The following ATP12A variants were observed in gnomAD, a reference collection of about 807,000 sequenced individuals.
ATP12A encodes the protein ATPase H+/K+ transporting non-gastric alpha2 subunit.
ATP12A carries 81 observed loss-of-function variants against 111.2 expected under a neutral mutation model. That is an observed-to-expected ratio of 0.73 (90% CI 0.61 to 0.88). ATP12A has a LOEUF of 0.88. Among genes scored for constraint, ATP12A ranks in the 40% least tolerant of loss-of-function variants. ATP12A has a pLI of 0.00. For synonymous variants in ATP12A, 498 were observed against 499.8 expected (o/e 1.00, Z 0.05); for missense variants, 1,196 against 1,313.1 (o/e 0.91, Z 1.38).
Position 24,707,495 on chromosome 13 carries a change from C to A in ATP12A, c.2493+62C>A. 3 of 1,601,188 alleles carry A rather than the reference C, an allele frequency of 1.9e-6. No individual in the cohort carries two copies. The South Asian group carries it at 3.4e-5, about 18-fold the overall frequency. The stretch of plus-strand genomic sequence containing the variant: ...CCCCAGGGGAGGTCAAGTTCAGGGT[C>A]GCTACCTTCAAGGGCCGGGGATGGA... On this transcript the variant is annotated intron_variant, in intron 17 of 22. Transcript: ENST00000381946.
rs779346879 is a variant in ATP12A at position 24,701,995 on chromosome 13, A to C, written c.1942A>C (p.Ile648Leu). 1 of 1,614,186 alleles carries C rather than the reference A, an allele frequency of 6.2e-7. No individual in the cohort carries two copies. Among genetic ancestry groups the C allele is most frequent in the South Asian group, 1.1e-5 (1 of 91,082 alleles). The change falls in exon 14 of 23, where the codon ATC (isoleucine) becomes CTC (leucine). Residue 648 changes from isoleucine (I) to leucine (L), a missense_variant. Transcript: ENST00000381946. ...CAAAGCTATTGCCAAGAGTGTGGGGATCATTTCAGCCAACAGTGAAACAGT... is the reference window on the plus strand; with the variant it reads ...CAAAGCTATTGCCAAGAGTGTGGGGCTCATTTCAGCCAACAGTGAAACAGT... ...TAKAIAKSVG[I>L]ISANSETVED... is the part of the protein sequence containing the mutation.
rs1435577293 is a variant in ATP12A, at chr13:24,700,796, A to T, written c.1755A>T (p.Ser585=). 3 of 1,613,952 alleles carry T rather than the reference A, an allele frequency of 1.9e-6. No homozygotes were observed. In the African/African-American group the frequency reaches 4.0e-5, roughly 22 times the overall value. The change falls in exon 13 of 23, where the codon TCA becomes TCT. Residue 585 remains serine, a synonymous_variant. Coordinates refer to ENST00000381946, the MANE Select transcript of ATP12A (RefSeq NM_001676.7). ...LPADEFPETY[S]FDIDAMNFPT... ...CAGACGAGTTTCCAGAAACCTACTC[A>T]TTTGACATAGACGCTATGAACTTTC... is the stretch of plus-strand genomic sequence containing the variant.
intron 14 of ATP12A, among the ~76,000 whole-genome samples, chr13:24,705,716 C>T (rs1419040394): frequency 6.6e-6 from 1 of 152,180 alleles, no homozygotes; most frequent in African/African-American, 2.4e-5. Context: ...GTCACCCAGG[C>T]TTGAGTGTAG....
chr13:24,708,918 A>AAAGAAAGG (rs1215274789), intron 17 of ATP12A, among the ~76,000 whole-genome samples: 1 of 127,908 alleles, frequency 7.8e-6, no homozygotes, highest in Non-Finnish European at 1.6e-5. Context: ...AGAAAGAAAG[A>AAAGAAAGG]AAGAAAGAAA....
chr13:24,701,824 C>A, intron 13 of ATP12A, 111 bp from the exon 14 acceptor site: 2 of 1,418,144 alleles, frequency 1.4e-6, no homozygotes, highest in South Asian at 1.3e-5. Context: ...CCACTGTAAT[C>A]ACCAACCACG....
Position 24,707,142 on chromosome 13 carries a change from G to A in ATP12A, c.2289G>A (p.Met763Ile), listed in dbSNP as rs1327399668. The A allele has an allele frequency of 1.2e-6, 2 of 1,614,016 alleles. No homozygotes were observed. The highest frequency in any genetic ancestry group is 1.7e-6 in the Non-Finnish European group (2 of 1,180,018). ...GSDAAKNAAD[M>I]VLLDDNFASI... The stretch of plus-strand genomic sequence containing the variant: ...ATGCAGCCAAAAATGCAGCCGACAT[G>A]GTCTTGCTGGACGACAACTTCGCAT... The change falls in exon 16 of 23, where the codon ATG becomes ATA. Residue 763 changes from methionine (M) to isoleucine (I), a missense_variant. Transcript: ENST00000381946.
At chr13:24,697,758 G>T (rs560883233) in intron 11 of ATP12A, among the ~76,000 whole-genome samples, 19 of 151,788 alleles carry the variant, frequency 1.3e-4, no homozygotes, top group African/African-American at 3.9e-4. Context: ...TTGGTTGGTT[G>T]GTTTTCTCAA....
chr13:24,694,254 A>G (rs1346888455), intron 10 of ATP12A, among the ~76,000 whole-genome samples, 190 bp from the exon 11 acceptor site: 5 of 152,110 alleles, frequency 3.3e-5, no homozygotes, highest in Non-Finnish European at 7.3e-5. Flanking sequence ...TTCTCCAAAC[A>G]TCCCTAATGC....
In ATP12A at chr13:24,705,986, T is replaced by C. The variant is rs116024082; in HGVS notation, c.2019-327T>C. Among the ~76,000 whole-genome samples the C allele has an allele frequency of 4.0e-3, 607 of 152,300 alleles. 1 individual carries two copies. Among genetic ancestry groups the C allele is most frequent in the African/African-American group, 0.013 (528 of 41,546 alleles). On this transcript the variant is annotated intron_variant, in intron 14 of 22. Transcript: ENST00000381946. Reference sequence around the variant, plus strand: ...CTGCGTTTGGCCATGAATGGGCAGTTTTTTAACTTCCTTTTACTTCTGAAG... The same window carrying C: ...CTGCGTTTGGCCATGAATGGGCAGTCTTTTAACTTCCTTTTACTTCTGAAG...
Position 24,680,598 on chromosome 13 carries a change from G to T in ATP12A, c.-146G>T. The T allele has an allele frequency of 1.1e-6, 1 of 944,264 alleles. No homozygotes were observed. The highest frequency in any genetic ancestry group is 1.5e-6 in the Non-Finnish European group (1 of 660,466). 58.5% of individuals were successfully genotyped at this position (944,264 alleles called of 1,614,324 possible). A position where few individuals can be genotyped will look rare whatever the true frequency, so the allele number is the denominator to read the frequency against. ...CGATCGGCCGCGGAGGTGCGTGCAG[G>T]GCCCGCGCCGCCGCCGGTATCTCCA... On this transcript the variant is annotated 5_prime_UTR_variant, in exon 1 of 23. Transcript: ENST00000381946.
chr13:24,706,724 T>G (rs921487262), intron 15 of ATP12A, among the ~76,000 whole-genome samples: 2 of 152,240 alleles, frequency 1.3e-5, no homozygotes, highest in African/African-American at 4.8e-5. Flanking sequence ...CATTTGCCAC[T>G]GTGGTAGTTG....
intron 2 of ATP12A, among the ~76,000 whole-genome samples, chr13:24,682,090 G>A (rs1451739541): frequency 1.4e-4 from 16 of 111,460 alleles, no homozygotes; most frequent in Admixed American, 1.2e-3. Context: ...TATGTGTGGT[G>A]TGTGTGATGT....
intron 11 of ATP12A, among the ~76,000 whole-genome samples, chr13:24,696,074 A>C (rs970520769): frequency 1.3e-5 from 2 of 152,232 alleles, no homozygotes; most frequent in Admixed American, 1.3e-4. Context: ...AGTGCGCAAC[A>C]GTCCTAAAAG....
Position 24,688,479 on chromosome 13 carries a change from A to G in ATP12A, c.389A>G (p.Tyr130Cys). ...GGCGCCTTTCTCTGTTGGATTGCAT[A>G]TGGGATTCAGTACTCCAGCGACAAG... ...WVGAFLCWIA[Y>C]GIQYSSDKSA... is the part of the protein sequence containing the mutation. Residue 130 changes from tyrosine (Y) to cysteine (C), a missense_variant, in exon 4 of 23, where the codon TAT becomes TGT. Coordinates refer to ENST00000381946, the MANE Select transcript of ATP12A (RefSeq NM_001676.7). 6.2e-7 allele frequency: 1 copy of G among 1,612,578 alleles called. No homozygotes were observed. Among genetic ancestry groups the G allele is most frequent in the Non-Finnish European group, 8.5e-7 (1 of 1,179,076 alleles).
At chr13:24,707,686 T>G (rs1875733790) in intron 17 of ATP12A, among the ~76,000 whole-genome samples, 1 of 152,160 alleles carries the variant, frequency 6.6e-6, no homozygotes, top group South Asian at 2.1e-4. Context: ...ATAGTGAGCT[T>G]TTTTTTCTTG....
chr13:24,695,600 C>CTTT (rs34227271), intron 11 of ATP12A, among the ~76,000 whole-genome samples: 6,082 of 88,200 alleles, frequency 0.069, 349 homozygotes, highest in African/African-American at 0.11. Flanking sequence ...GGGAAGAACT[C>CTTT]TTTTTTTTTT....
At position 24,690,480 on chromosome 13, in the gene ATP12A, G is replaced by T. The variant is rs1379322245; in HGVS notation, c.681+8G>T. ...TCTTCTCAGGGGTGTCGGGTAAGCGGCAAGGGGTATCCACCCCAAGGACCA... is the reference window on the plus strand; with the variant it reads ...TCTTCTCAGGGGTGTCGGGTAAGCGTCAAGGGGTATCCACCCCAAGGACCA... On this transcript the variant is annotated splice_region_variant and intron_variant, in intron 6 of 22. Transcript: ENST00000381946. The T allele has an allele frequency of 6.2e-7, 1 of 1,613,626 alleles. No homozygotes were observed. The highest frequency in any genetic ancestry group is 1.7e-5 in the Admixed American group (1 of 59,960).
intron 17 of ATP12A, among the ~76,000 whole-genome samples, chr13:24,709,102 C>G (rs1038239551): frequency 6.6e-6 from 1 of 152,198 alleles, no homozygotes; most frequent in African/African-American, 2.4e-5. Flanking sequence ...ACAAGAAATT[C>G]TCCCTGTAGG....
At chr13:24,708,166 C>A (rs773230628) in intron 17 of ATP12A, among the ~76,000 whole-genome samples, 11 of 152,106 alleles carry the variant, frequency 7.2e-5, no homozygotes, top group Non-Finnish European at 1.5e-4. Flanking sequence ...AGACCTTTAC[C>A]TAAACACAGT....
Sources: allele counts gnomAD v4.1 joint callset (sites outside exome capture counted in the v4.1 genomes callset), GRCh38; gene constraint gnomAD v4.1.1; transcripts MANE v1.5; gene names NCBI Gene and HGNC (gene_info 2026-07-23, HGNC 2026-07-21).